Variants in HAUS2 observed in about 807,000 individuals in gnomAD.
The protein encoded by HAUS2 is HAUS augmin like complex subunit 2.
In HAUS2, 20 loss-of-function variants were observed where a neutral mutation model predicts 21.6. The observed-to-expected ratio is 0.93, with a 90% CI of 0.65 to 1.35. The LOEUF (loss-of-function observed/expected upper bound fraction) is 1.35. Among genes scored for constraint, HAUS2 ranks in the 40% most tolerant of loss-of-function variants. The pLI, the probability that HAUS2 is intolerant of heterozygous loss-of-function variation, is 0.00. For synonymous variants in HAUS2, 113 were observed against 95.6 expected (o/e 1.18, Z -1.06); for missense variants, 297 against 280.7 (o/e 1.06, Z -0.42).
rs111470945 is a variant in HAUS2, at chr15:42,564,740, C to T, written c.498+883C>T. On this transcript the variant is annotated intron_variant, in intron 5 of 5. Transcript: ENST00000260372. ...CTAAGCTCAAGTGAGGCACCCGCCTCGGCCTCTTAAAGTGCTGAGATCACA... is the reference window on the plus strand; with the variant it reads ...CTAAGCTCAAGTGAGGCACCCGCCTTGGCCTCTTAAAGTGCTGAGATCACA... Among the ~76,000 whole-genome samples the T allele has an allele frequency of 3.7e-3, 567 of 152,352 alleles. 4 individuals are homozygous for T. Among genetic ancestry groups the T allele is most frequent in the African/African-American group, 0.013 (537 of 41,578 alleles).
rs1477430868 is a variant in HAUS2, at chr15:42,555,051, G to A, written c.94-3147G>A. On this transcript the variant is annotated intron_variant, in intron 1 of 5. Transcript: ENST00000260372. ...TGTCATCAGGCTGGAGTGCAATGGC[G>A]TGATCTCTGCTCACTGCAACCTTCG... Among the ~76,000 whole-genome samples the A allele has an allele frequency of 2.0e-4, 30 of 151,002 alleles. No homozygotes were observed. The East Asian group carries it at 4.3e-3, about 22-fold the overall frequency.
rs2057940171 is a variant in HAUS2, at chr15:42,569,473, A to C, written c.*2657A>C. The C allele has an allele frequency of 6.6e-6, 1 of 151,546 alleles. No homozygotes were observed. Among genetic ancestry groups the C allele is most frequent in the East Asian group, 1.9e-4 (1 of 5,168 alleles). The allele number at this position is 151,546 out of a possible 1,614,324, so 9.4% of individuals were successfully genotyped here. A position where few individuals can be genotyped will look rare whatever the true frequency, so the allele number is the denominator to read the frequency against. ...AGGCACGCGCCACCACGCCTGGCTAATTTTTGTATTTTCTGTAGAGACAGA... is the reference window on the plus strand; with the variant it reads ...AGGCACGCGCCACCACGCCTGGCTACTTTTTGTATTTTCTGTAGAGACAGA... On this transcript the variant is annotated 3_prime_UTR_variant, in exon 6 of 6. Transcript: ENST00000260372.
chr15:42,562,621 G>T (rs2057863334), intron 4 of HAUS2, among the ~76,000 whole-genome samples: 1 of 152,090 alleles, frequency 6.6e-6, no homozygotes, highest in Non-Finnish European at 1.5e-5. Context: ...CCCCTTTCTT[G>T]TGGCTATATT....
chr15:42,553,479 CTTTTT>C (rs11434263), intron 1 of HAUS2, among the ~76,000 whole-genome samples: 1 of 147,566 alleles, frequency 6.8e-6, no homozygotes, highest in African/African-American at 2.5e-5. Context: ...ATACTTTTTT[CTTTTT>C]TTTTTTAAAT....
chr15:42,561,827 A>G (rs749522476), intron 4 of HAUS2: 9 of 172,200 alleles, frequency 5.2e-5, no homozygotes, highest in Non-Finnish European at 1.0e-4. Flanking sequence ...TCTCATCTCT[A>G]CTGTTTATAT....
chr15:42,562,636 A>G (rs1301881439), intron 4 of HAUS2, among the ~76,000 whole-genome samples: 1 of 152,188 alleles, frequency 6.6e-6, no homozygotes. Flanking sequence ...TATATTCAGT[A>G]TCTGTTTAGT....
At chr15:42,549,059 G>A (rs1025056856) in intron 1 of HAUS2, 94 bp downstream of exon 1, 1 of 808,982 alleles carries the variant, frequency 1.2e-6, no homozygotes, top group Non-Finnish European at 2.1e-6. Flanking sequence ...GAGTGGTGAG[G>A]GTCCTGGTTG....
intron 1 of HAUS2, 58 bp downstream of exon 1, chr15:42,549,023 C>A: frequency 9.1e-7 from 1 of 1,100,674 alleles, no homozygotes. Flanking sequence ...AACAATATGG[C>A]TGTGAGTTGG....
In HAUS2 at chr15:42,553,672, C is replaced by T. The variant is rs145489284; in HGVS notation, c.94-4526C>T. On this transcript the variant is annotated intron_variant, in intron 1 of 5. Coordinates refer to ENST00000260372, the MANE Select transcript of HAUS2 (RefSeq NM_018097.3). ...AACATTCTTATTTTTCCTCTGGTTT[C>T]TCTTGCATGTTCTTAGCTAAGCACC... Among the ~76,000 whole-genome samples, 96 of 152,204 alleles carry T rather than the reference C, an allele frequency of 6.3e-4. No homozygotes were observed. In the East Asian group the frequency reaches 0.018, roughly 29 times the overall value.
intron 1 of HAUS2, among the ~76,000 whole-genome samples, chr15:42,550,676 CT>C (rs11354771): frequency 0.048 from 7,121 of 149,464 alleles, 558 homozygotes; most frequent in African/African-American, 0.16. Flanking sequence ...CCTGTGTTTT[CT>C]TTTTTTTTTG....
rs1281846514 is a variant in HAUS2 at position 42,568,927 on chromosome 15, T to C, written c.*2111T>C. 6.6e-6 allele frequency: 1 copy of C among 152,238 alleles called. No homozygotes were observed. Among genetic ancestry groups the C allele is most frequent in the Non-Finnish European group, 1.5e-5 (1 of 68,038 alleles). The allele number at this position is 152,238 out of a possible 1,614,324, so 9.4% of individuals were successfully genotyped here. A position where few individuals can be genotyped will look rare whatever the true frequency, so the allele number is the denominator to read the frequency against. The stretch of plus-strand genomic sequence containing the variant: ...GCTGTAATAAATCATAGCTGTGTGA[T>C]GATATGCTGAGTCTTGTGAATTCTC... On this transcript the variant is annotated 3_prime_UTR_variant, in exon 6 of 6. Coordinates refer to ENST00000260372, the MANE Select transcript of HAUS2 (RefSeq NM_018097.3).
intron 1 of HAUS2, among the ~76,000 whole-genome samples, chr15:42,552,105 C>T (rs1432932732): frequency 3.3e-5 from 5 of 152,094 alleles, no homozygotes; most frequent in Non-Finnish European, 7.3e-5. Flanking sequence ...TCACTGCAAC[C>T]TCCGCCTCCT....
At chr15:42,557,606 TACTC>T (rs1304014087) in intron 1 of HAUS2, among the ~76,000 whole-genome samples, 5 of 150,306 alleles carry the variant, frequency 3.3e-5, no homozygotes, top group South Asian at 2.1e-4. Flanking sequence ...CACAAGATAA[TACTC>T]AATTCTGAGA....
intron 2 of HAUS2, among the ~76,000 whole-genome samples, chr15:42,559,052 ATAG>A (rs2057820475): frequency 6.6e-6 from 1 of 152,170 alleles, no homozygotes; most frequent in Non-Finnish European, 1.5e-5. Context: ...TTACTTACTA[ATAG>A]TAGTTACAGT....
chr15:42,565,386 A>ACTGT (rs1413557687), intron 5 of HAUS2, among the ~76,000 whole-genome samples: 8 of 77,342 alleles, frequency 1.0e-4, no homozygotes, highest in African/African-American at 3.9e-4. Flanking sequence ...GGAGCCATTG[A>ACTGT]ATGTGTGTGT....
At chr15:42,557,317 A>AAATATATATATAATATATAT (rs1305603128) in intron 1 of HAUS2, among the ~76,000 whole-genome samples, 1 of 42,640 alleles carries the variant, frequency 2.3e-5, no homozygotes, top group South Asian at 7.0e-4. Flanking sequence ...CTCCATTTAA[A>AAATATATATATAATATATAT]AATATATATA....
chr15:42,552,563 G>T (rs367867471), intron 1 of HAUS2, among the ~76,000 whole-genome samples: 1 of 152,162 alleles, frequency 6.6e-6, no homozygotes, highest in African/African-American at 2.4e-5. Context: ...CTGTTAGAGA[G>T]TGATTTGGTG....
At chr15:42,566,330 C>A (rs573378159) in intron 5 of HAUS2, among the ~76,000 whole-genome samples, 33 of 152,174 alleles carry the variant, frequency 2.2e-4, no homozygotes, top group Middle Eastern at 6.8e-3. Flanking sequence ...ATAGAGATTA[C>A]CAGTAGTCTT....
chr15:42,557,518 T>G (rs1566832137), intron 1 of HAUS2, among the ~76,000 whole-genome samples: 1 of 142,480 alleles, frequency 7.0e-6, no homozygotes, highest in Non-Finnish European at 1.5e-5. Context: ...ATATATTATA[T>G]ATATATGAAG....
Sources: gnomAD v4.1 joint callset for allele counts (sites outside exome capture counted in the v4.1 genomes callset) on GRCh38, gnomAD v4.1.1 for gene constraint, MANE v1.5 for transcripts, NCBI Gene and HGNC (gene_info 2026-07-23, HGNC 2026-07-21) for gene names.